Variants in DCDC1 observed in about 807,000 individuals in gnomAD.
DCDC1 encodes doublecortin domain-containing protein 1.
Under a neutral mutation model 178.3 loss-of-function variants are expected in DCDC1, and 200 were observed. That is an observed-to-expected ratio of 1.12 (90% confidence interval 1.00 to 1.26). The LOEUF (loss-of-function observed/expected upper bound fraction) is 1.26, where lower values mean the gene tolerates loss of function less well. Among genes scored for constraint, DCDC1 ranks in the 50% most tolerant of loss-of-function variants. The pLI, the probability that DCDC1 is intolerant of heterozygous loss-of-function variation, is 0.00. For synonymous variants in DCDC1, 690 were observed against 604.8 expected, an observed-to-expected ratio of 1.14 and a Z score of -2.07; for missense variants, 1,983 against 1,749.2, an observed-to-expected ratio of 1.13 and a Z score of -2.38.
intron 34 of DCDC1, among the ~76,000 whole-genome samples, chr11:30,896,742 T>G (rs1483234184): frequency 6.6e-6 from 1 of 152,230 alleles, no homozygotes; most frequent in Non-Finnish European, 1.5e-5. Flanking sequence ...TACACCAATA[T>G]TTATTGAGTA....
chr11:31,289,698 T>C (rs1050744967), intron 7 of DCDC1, among the ~76,000 whole-genome samples: 3 of 152,030 alleles, frequency 2.0e-5, no homozygotes, highest in African/African-American at 7.2e-5. Flanking sequence ...TAGAAAACAT[T>C]TAATGAGAAC....
Position 30,935,565 on chromosome 11 carries a change from G to T in DCDC1, c.2716-3613C>A, listed in dbSNP as rs1432315323. Among the ~76,000 whole-genome samples the T allele has an allele frequency of 1.3e-5, 2 of 150,512 alleles. 1 individual carries two copies. Among genetic ancestry groups the T allele is most frequent in the South Asian group, 4.2e-4 (2 of 4,814 alleles). On this transcript the variant is annotated intron_variant, in intron 21 of 38. Coordinates refer to ENST00000684477, the MANE Select transcript of DCDC1 (RefSeq NM_001387274.1). ...GTTTTCTGTTTGTTTGTTTGTTTGG[G>T]TTTTTTTGAGACAGAGTCCCACCCT... is the stretch of plus-strand genomic sequence containing the variant.
rs111310954 is a variant in DCDC1, at chr11:30,873,097, C to G, written c.*40+5447G>C. 4.0e-5 allele frequency among the ~76,000 whole-genome samples: 6 copies of G among 150,624 alleles called. No individual in the cohort carries two copies. The East Asian group carries it at 1.2e-3, about 29-fold the overall frequency. On this transcript the variant is annotated intron_variant, in intron 38 of 38. Coordinates refer to ENST00000684477, the MANE Select transcript of DCDC1 (RefSeq NM_001387274.1). ...TCTCTCTGTCTCTCTCTCTGTCTCTCTCTGTCTCTCTCTCTCTCTCTCTAT... is the reference window on the plus strand; with the variant it reads ...TCTCTCTGTCTCTCTCTCTGTCTCTGTCTGTCTCTCTCTCTCTCTCTCTAT...
At chr11:30,947,095 G>C (rs1317973490) in intron 21 of DCDC1, among the ~76,000 whole-genome samples, 1 of 152,274 alleles carries the variant, frequency 6.6e-6, no homozygotes, top group Non-Finnish European at 1.5e-5. Flanking sequence ...ATCACAGGTT[G>C]ATCCTTGGAG....
At chr11:31,350,974 G>T (rs1232064566) in intron 1 of DCDC1, among the ~76,000 whole-genome samples, 4 of 151,732 alleles carry the variant, frequency 2.6e-5, no homozygotes, top group African/African-American at 9.7e-5. Context: ...TGATTGAATT[G>T]TTTATGTTTT....
At chr11:31,350,348 A>C (rs538687069) in intron 1 of DCDC1, among the ~76,000 whole-genome samples, 1 of 152,218 alleles carries the variant, frequency 6.6e-6, no homozygotes, top group African/African-American at 2.4e-5. Context: ...TTTATAAATT[A>C]TAAATTATTT....
At chr11:31,283,376 T>G (rs539225924) in intron 7 of DCDC1, among the ~76,000 whole-genome samples, 2 of 148,918 alleles carry the variant, frequency 1.3e-5, no homozygotes, top group South Asian at 2.2e-4. Flanking sequence ...TTTTTTTTTT[T>G]GTTTTTTGTT....
At chr11:31,149,063 A>C (rs1204688168) in intron 9 of DCDC1, among the ~76,000 whole-genome samples, 1 of 152,228 alleles carries the variant, frequency 6.6e-6, no homozygotes. Context: ...CTGCTGCAAA[A>C]GACATTATTT....
At chr11:31,269,474 C>T (rs1254378258) in intron 7 of DCDC1, among the ~76,000 whole-genome samples, 2 of 151,864 alleles carry the variant, frequency 1.3e-5, no homozygotes, top group Non-Finnish European at 2.9e-5. Context: ...CCTCAACTTC[C>T]CAGGCTCAGG....
chr11:31,165,175 TTACC>T (rs1342574108), intron 9 of DCDC1, among the ~76,000 whole-genome samples: 1 of 152,188 alleles, frequency 6.6e-6, no homozygotes, highest in African/African-American at 2.4e-5. Context: ...GAGTGCCTGT[TTACC>T]TAACCCATTG....
intron 20 of DCDC1, among the ~76,000 whole-genome samples, chr11:30,991,947 T>C (rs982701225): frequency 5.3e-5 from 8 of 152,230 alleles, no homozygotes; most frequent in Admixed American, 4.6e-4. Context: ...CACCCACATA[T>C]GTAATATTCA....
rs541485132 is a variant in DCDC1 at position 30,922,930 on chromosome 11, TA to T, written c.2998-293del. Among the ~76,000 whole-genome samples the T allele has an allele frequency of 1.7e-3, 244 of 139,816 alleles. 1 individual carries two copies. The highest frequency in any genetic ancestry group is 3.1e-3 in the Non-Finnish European group (202 of 65,768). The allele number at this position is 139,816 out of a possible 152,430, so 91.7% of individuals were successfully genotyped here. ...CTATAATTATTTCAAAATTAAAGTTTAAAAAATAATTGTTTAAGAAGAAGAG... is the reference window on the plus strand; with the variant it reads ...CTATAATTATTTCAAAATTAAAGTTTAAAAATAATTGTTTAAGAAGAAGAG... On this transcript the variant is annotated intron_variant, in intron 23 of 38. Transcript: ENST00000684477.
chr11:30,891,395 T>C (rs1481141591), intron 36 of DCDC1, among the ~76,000 whole-genome samples: 1 of 152,170 alleles, frequency 6.6e-6, no homozygotes, highest in African/African-American at 2.4e-5. Flanking sequence ...CAGTTAGATA[T>C]AGATATAAGT....
chr11:31,269,897 C>T (rs1945435526), intron 7 of DCDC1, among the ~76,000 whole-genome samples: 1 of 152,178 alleles, frequency 6.6e-6, no homozygotes, highest in African/African-American at 2.4e-5. Flanking sequence ...TGGCCAGAAC[C>T]TCTGGGTTGC....
chr11:31,090,069 C>A (rs1957718712), intron 17 of DCDC1, among the ~76,000 whole-genome samples: 1 of 152,132 alleles, frequency 6.6e-6, no homozygotes, highest in South Asian at 2.1e-4. Flanking sequence ...CATTTTGCTT[C>A]AGAAATCTTA....
chr11:31,278,284 T>C (rs957899870), intron 7 of DCDC1, among the ~76,000 whole-genome samples: 1 of 152,140 alleles, frequency 6.6e-6, no homozygotes, highest in African/African-American at 2.4e-5. Flanking sequence ...ATTTTAGCTT[T>C]ATAATAGATG....
At chr11:31,321,610 G>A (rs374117868) in intron 3 of DCDC1, among the ~76,000 whole-genome samples, 8 of 152,178 alleles carry the variant, frequency 5.3e-5, no homozygotes, top group African/African-American at 1.7e-4. Flanking sequence ...GAAATCACCC[G>A]TCTTCTGCGT....
Position 31,237,237 on chromosome 11 carries a change from T to C in DCDC1, c.1221+4213A>G, listed in dbSNP as rs1333920937. Among the ~76,000 whole-genome samples the C allele has an allele frequency of 2.6e-5, 4 of 152,026 alleles. No homozygotes were observed. The East Asian group carries it at 5.8e-4, about 22-fold the overall frequency. ...TTTAAACAAAATCTAAGTGCTTTGGTAGAGCTTAGTTTTAGTATGTTAACA... is the reference window on the plus strand; with the variant it reads ...TTTAAACAAAATCTAAGTGCTTTGGCAGAGCTTAGTTTTAGTATGTTAACA... On this transcript the variant is annotated intron_variant, in intron 9 of 38. Coordinates refer to ENST00000684477, the MANE Select transcript of DCDC1 (RefSeq NM_001387274.1).
At chr11:31,089,327 T>C (rs1025936647) in intron 17 of DCDC1, among the ~76,000 whole-genome samples, 2 of 152,204 alleles carry the variant, frequency 1.3e-5, no homozygotes, top group Admixed American at 1.3e-4. Context: ...GCTCCTCTTG[T>C]ACATAATACG....
Sources: allele counts gnomAD v4.1 joint callset (sites outside exome capture counted in the v4.1 genomes callset), GRCh38; gene constraint gnomAD v4.1.1; transcripts MANE v1.5; gene names NCBI Gene and HGNC (gene_info 2026-07-23, HGNC 2026-07-21).